Variants in GTF2IRD2B observed in about 807,000 individuals in gnomAD.
GTF2IRD2B encodes GTF2I repeat domain containing 2B, also known as general transcription factor II-I repeat domain-containing protein 2B.
A neutral mutation model predicts 55.6 loss-of-function variants in GTF2IRD2B; 10 were observed. The ratio of observed to expected loss-of-function variants is 0.18; its 90% CI spans 0.11 to 0.31. The LOEUF is 0.31. GTF2IRD2B is among the 10% of genes least tolerant of loss of function. GTF2IRD2B has a pLI of 1.00. For missense variants in GTF2IRD2B, 206 were observed against 802.7 expected (o/e 0.26, Z 8.98); for synonymous variants, 107 against 320.5 (o/e 0.33, Z 7.12).
At chr7:75,145,985 A>G (rs1809135809) in intron 15 of GTF2IRD2B, among the ~76,000 whole-genome samples, 1 of 92,720 alleles carries the variant, frequency 1.1e-5, no homozygotes, top group African/African-American at 5.0e-5. Flanking sequence ...TCACCTCCCG[A>G]GTAACTGGGA....
intron 10 of GTF2IRD2B, among the ~76,000 whole-genome samples, chr7:75,135,347 TG>T (rs1808805879): frequency 6.6e-6 from 1 of 151,846 alleles, no homozygotes; most frequent in South Asian, 2.1e-4. Context: ...TTGTCCAGGC[TG>T]GTCTCGAACT....
intron 8 of GTF2IRD2B, among the ~76,000 whole-genome samples, chr7:75,127,468 CA>C (rs71246071): frequency 0.015 from 498 of 33,182 alleles, no homozygotes; most frequent in Middle Eastern, 0.024. Flanking sequence ...GACGTTGTCT[CA>C]AAAAAAAAAA....
At chr7:75,097,850 CAG>C (rs1168743190) in intron 1 of GTF2IRD2B, among the ~76,000 whole-genome samples, 12 of 74,654 alleles carry the variant, frequency 1.6e-4, no homozygotes, top group Non-Finnish European at 2.9e-4. Flanking sequence ...ACTAGAAGGA[CAG>C]AAACGCCTCC....
At chr7:75,101,601 T>G (rs1420608861) in intron 1 of GTF2IRD2B, among the ~76,000 whole-genome samples, 15 of 148,638 alleles carry the variant, frequency 1.0e-4, no homozygotes, top group African/African-American at 3.5e-4. Flanking sequence ...AATAAAAATT[T>G]AAAAAATAGG....
At chr7:75,121,909 C>T (rs1473579120) in intron 4 of GTF2IRD2B, among the ~76,000 whole-genome samples, 2 of 133,674 alleles carry the variant, frequency 1.5e-5, no homozygotes, top group Non-Finnish European at 3.2e-5. Context: ...TACAGGCACC[C>T]GCCACCGTGC....
At chr7:75,143,233 AAC>A (rs1323843735) in intron 14 of GTF2IRD2B, among the ~76,000 whole-genome samples, 13 of 13,634 alleles carry the variant, frequency 9.5e-4, no homozygotes, top group African/African-American at 7.5e-3. Context: ...TCCATCTCAA[AAC>A]ATAAATAAAT....
intron 3 of GTF2IRD2B, among the ~76,000 whole-genome samples, chr7:75,115,518 G>A (rs587677759): frequency 4.9e-5 from 7 of 143,480 alleles, no homozygotes; most frequent in Non-Finnish European, 7.7e-5. Context: ...CTGCCTCCTC[G>A]GTTCAAGCCA....
At chr7:75,106,056 T>C (rs587677021) in intron 1 of GTF2IRD2B, among the ~76,000 whole-genome samples, 151 of 152,348 alleles carry the variant, frequency 9.9e-4, no homozygotes, top group Middle Eastern at 3.4e-3. Context: ...GAAAGAGACC[T>C]TTGTGAATAT....
At chr7:75,096,877 G>A (rs1807396406) in intron 1 of GTF2IRD2B, among the ~76,000 whole-genome samples, 1 of 126,820 alleles carries the variant, frequency 7.9e-6, no homozygotes, top group Non-Finnish European at 1.6e-5. Flanking sequence ...GGTGGCTCAC[G>A]CCTATAATCC....
Position 75,123,469 on chromosome 7 carries a change from G to A in GTF2IRD2B, c.543-19G>A. 1.4e-6 allele frequency: 1 copy of A among 733,584 alleles called. No homozygotes were observed. The highest frequency in any genetic ancestry group is 2.8e-5 in the East Asian group (1 of 35,798). 45.4% of individuals were successfully genotyped at this position (733,584 alleles called of 1,614,324 possible). ...TTTTCATTGGTCCGTGCTGGGTAAT[G>A]GTGTTGCTTTTCTTGCAGACCCTTC... On this transcript the variant is annotated intron_variant, in intron 5 of 15. Transcript: ENST00000472837.
chr7:75,113,760 A>G (rs1378088549), intron 3 of GTF2IRD2B, among the ~76,000 whole-genome samples: 1 of 141,200 alleles, frequency 7.1e-6, no homozygotes, highest in East Asian at 2.0e-4. Flanking sequence ...AAAATCAGAA[A>G]GGTTCGTCAG....
intron 8 of GTF2IRD2B, among the ~76,000 whole-genome samples, chr7:75,127,373 G>T (rs1808554454): frequency 6.7e-6 from 1 of 149,194 alleles, no homozygotes; most frequent in African/African-American, 2.5e-5. Flanking sequence ...GGAGGCTGAG[G>T]TGGGAGGATC....
chr7:75,099,737 A>AAAAT (rs781954915), intron 1 of GTF2IRD2B, among the ~76,000 whole-genome samples: 34,500 of 125,716 alleles, frequency 0.27, 1,921 homozygotes, highest in East Asian at 0.31. Context: ...ACTCCGTCTC[A>AAAAT]AAATAAATAA....
intron 3 of GTF2IRD2B, among the ~76,000 whole-genome samples, chr7:75,119,165 G>A (rs1278816650): frequency 1.0e-5 from 1 of 95,338 alleles, no homozygotes; most frequent in African/African-American, 4.3e-5. Flanking sequence ...TTGCACTCCA[G>A]CTTAGGCGAC....
intron 9 of GTF2IRD2B, among the ~76,000 whole-genome samples, 171 bp from the exon 10 acceptor site, chr7:75,134,830 G>A (rs1252926209): frequency 3.4e-5 from 5 of 148,302 alleles, no homozygotes; most frequent in African/African-American, 1.1e-4. Context: ...ACCTCCCAGA[G>A]TGCTGAGATT....
At chr7:75,133,577 C>G (rs1342562368) in intron 9 of GTF2IRD2B, among the ~76,000 whole-genome samples, 40 of 147,892 alleles carry the variant, frequency 2.7e-4, no homozygotes, top group African/African-American at 9.5e-4. Flanking sequence ...GAATCTCACT[C>G]TGTTGCCCAA....
At chr7:75,096,643 A>G (rs1162951706) in intron 1 of GTF2IRD2B, among the ~76,000 whole-genome samples, 2 of 136,064 alleles carry the variant, frequency 1.5e-5, no homozygotes, top group Non-Finnish European at 3.1e-5. Flanking sequence ...CCAGGCTGAT[A>G]TGGAACTCCT....
At chr7:75,130,612 G>T (rs1554452872) in intron 8 of GTF2IRD2B, among the ~76,000 whole-genome samples, 1 of 151,452 alleles carries the variant, frequency 6.6e-6, no homozygotes, top group East Asian at 1.9e-4. Flanking sequence ...TGAGTAGCTG[G>T]GATTACAGGT....
rs587724768 is a variant in GTF2IRD2B at position 75,123,674 on chromosome 7, G to A, written c.571+158G>A. On this transcript the variant is annotated intron_variant, in intron 6 of 15. Transcript: ENST00000472837. ...GTGGATCACAAGGTCAGGAGATCGC[G>A]ACCATCCTGGCTAACACGGTGAAGC... The A allele has an allele frequency of 1.2e-5, 8 of 660,302 alleles. 1 individual carries two copies. The highest frequency in any genetic ancestry group is 1.1e-4 in the South Asian group (7 of 64,898). The allele number at this position is 660,302 out of a possible 1,614,324, so 40.9% of individuals were successfully genotyped here. A position where few individuals can be genotyped will look rare whatever the true frequency, so the allele number is the denominator to read the frequency against.
Sources: gnomAD v4.1 joint callset for allele counts (sites outside exome capture counted in the v4.1 genomes callset) on GRCh38, gnomAD v4.1.1 for gene constraint, MANE v1.5 for transcripts, NCBI Gene and HGNC (gene_info 2026-07-23, HGNC 2026-07-21) for gene names.